The following TTLL11 variants were observed in gnomAD, a reference collection of about 807,000 sequenced individuals.
TTLL11 encodes tubulin polyglutamylase TTLL11.
TTLL11 carries 42 observed loss-of-function variants against 51.7 expected under a neutral mutation model. The ratio of observed to expected loss-of-function variants is 0.81; its 90% confidence interval spans 0.64 to 1.05. The LOEUF (loss-of-function observed/expected upper bound fraction) is 1.05, where lower values mean the gene tolerates loss of function less well. Ranked by LOEUF, TTLL11 falls within the 50% of genes least tolerant of loss-of-function variation. The pLI is 0.00. For synonymous variants in TTLL11, 381 were observed against 383.5 expected (o/e 0.99, Z 0.08); for missense variants, 799 against 940.4 (o/e 0.85, Z 1.97).
chr9:122,053,272 G>A (rs909476837), intron 1 of TTLL11, among the ~76,000 whole-genome samples: 2 of 152,166 alleles, frequency 1.3e-5, no homozygotes, highest in Admixed American at 1.3e-4. Flanking sequence ...AGTGGTTTCT[G>A]GTCTAGATGA....
At chr9:122,081,480 A>T (rs1846004303) in intron 1 of TTLL11, among the ~76,000 whole-genome samples, 1 of 152,260 alleles carries the variant, frequency 6.6e-6, no homozygotes, top group Admixed American at 6.5e-5. Context: ...ATGCAGGGAC[A>T]TCTGTACAAC....
At chr9:121,915,362 C>T (rs1182599893) in intron 6 of TTLL11, among the ~76,000 whole-genome samples, 1 of 152,198 alleles carries the variant, frequency 6.6e-6, no homozygotes, top group Non-Finnish European at 1.5e-5. Context: ...TATACTAGTG[C>T]TGTGCTTGTA....
intron 6 of TTLL11, among the ~76,000 whole-genome samples, chr9:121,965,127 T>A (rs900816725): frequency 5.3e-5 from 8 of 152,220 alleles, no homozygotes; most frequent in Non-Finnish European, 1.0e-4. Flanking sequence ...TGACCCAGAC[T>A]TTTTTATTTA....
At chr9:121,952,719 C>T (rs1841890001) in intron 6 of TTLL11, among the ~76,000 whole-genome samples, 2 of 152,224 alleles carry the variant, frequency 1.3e-5, no homozygotes, top group South Asian at 4.1e-4. Context: ...CCCTTCCTCT[C>T]CTTCCTCATG....
At chr9:122,072,035 G>T (rs1203016509) in intron 1 of TTLL11, among the ~76,000 whole-genome samples, 2 of 152,056 alleles carry the variant, frequency 1.3e-5, no homozygotes, top group Non-Finnish European at 2.9e-5. Flanking sequence ...ATACAAATCA[G>T]ATTTTTCACA....
intron 6 of TTLL11, among the ~76,000 whole-genome samples, chr9:121,873,578 C>T (rs1387089573): frequency 6.6e-6 from 1 of 151,926 alleles, no homozygotes; most frequent in African/African-American, 2.4e-5. Flanking sequence ...TTCCAAAGTG[C>T]TGCGATTACA....
At chr9:121,938,037 C>G (rs545449638) in intron 6 of TTLL11, among the ~76,000 whole-genome samples, 77 of 152,194 alleles carry the variant, frequency 5.1e-4, no homozygotes, top group African/African-American at 1.6e-3. Flanking sequence ...CACCTGTAAT[C>G]CCAGCACTTT....
At chr9:121,868,916 C>A (rs942850676) in intron 7 of TTLL11, among the ~76,000 whole-genome samples, 1 of 152,224 alleles carries the variant, frequency 6.6e-6, no homozygotes, top group Non-Finnish European at 1.5e-5. Context: ...AACTAGGCAT[C>A]AGGCCAGCTG....
At chr9:121,923,065 C>T (rs1436113949) in intron 6 of TTLL11, among the ~76,000 whole-genome samples, 2 of 152,206 alleles carry the variant, frequency 1.3e-5, no homozygotes, top group Admixed American at 6.5e-5. Context: ...ACAATTATAA[C>T]TCACCCTTTG....
intron 2 of TTLL11, among the ~76,000 whole-genome samples, chr9:122,034,705 C>A (rs1844651752): frequency 6.6e-6 from 1 of 152,190 alleles, no homozygotes; most frequent in Non-Finnish European, 1.5e-5. Context: ...GCAACTTCTC[C>A]ATTATGACCC....
chr9:121,939,389 T>A (rs1841354716), intron 6 of TTLL11, among the ~76,000 whole-genome samples: 1 of 152,204 alleles, frequency 6.6e-6, no homozygotes, highest in South Asian at 2.1e-4. Flanking sequence ...AAAGGCTGGT[T>A]GCCAAAGGAG....
intron 3 of TTLL11, among the ~76,000 whole-genome samples, chr9:121,997,872 G>A (rs1270079477): frequency 1.3e-5 from 2 of 151,926 alleles, no homozygotes; most frequent in African/African-American, 2.4e-5. Flanking sequence ...CTGTTTCCTG[G>A]GTCTGCCTGG....
chr9:121,910,525 T>C (rs536816295), intron 6 of TTLL11, among the ~76,000 whole-genome samples: 23 of 152,342 alleles, frequency 1.5e-4, no homozygotes, highest in African/African-American at 5.5e-4. Flanking sequence ...AAAACAGTGA[T>C]GCATCATTAC....
At chr9:121,983,695 A>G (rs1476890825) in intron 4 of TTLL11, among the ~76,000 whole-genome samples, 1 of 152,136 alleles carries the variant, frequency 6.6e-6, no homozygotes, top group Non-Finnish European at 1.5e-5. Context: ...GGGTTAGGCA[A>G]AGTTAGCGAC....
At chr9:122,032,688 A>G (rs931083906) in intron 2 of TTLL11, among the ~76,000 whole-genome samples, 5 of 151,614 alleles carry the variant, frequency 3.3e-5, no homozygotes, top group African/African-American at 7.3e-5. Flanking sequence ...TTCTTGTAAC[A>G]TCATTAGTAA....
chr9:121,961,281 T>C (rs1021364119), intron 6 of TTLL11, among the ~76,000 whole-genome samples: 1 of 152,242 alleles, frequency 6.6e-6, no homozygotes, highest in African/African-American at 2.4e-5. Flanking sequence ...TTGTTCAGTT[T>C]ATTTAACTAC....
At chr9:121,916,555 T>C (rs1439186579) in intron 6 of TTLL11, among the ~76,000 whole-genome samples, 1 of 152,202 alleles carries the variant, frequency 6.6e-6, no homozygotes, top group African/African-American at 2.4e-5. Context: ...TGGCGATTTG[T>C]GCAAACCAGA....
intron 6 of TTLL11, among the ~76,000 whole-genome samples, chr9:121,966,720 C>T (rs959661986): frequency 2.0e-5 from 3 of 152,142 alleles, no homozygotes; most frequent in Non-Finnish European, 2.9e-5. Flanking sequence ...GCCAGGCAAA[C>T]ATTGGTGTAG....
intron 1 of TTLL11, among the ~76,000 whole-genome samples, chr9:122,053,394 C>T (rs1446798407): frequency 2.6e-5 from 4 of 152,066 alleles, no homozygotes; most frequent in Non-Finnish European, 2.9e-5. Context: ...AGATGTCCCA[C>T]GTGCCTGGAG....
Sources: allele counts gnomAD v4.1 joint callset (sites outside exome capture counted in the v4.1 genomes callset), GRCh38; gene constraint gnomAD v4.1.1; transcripts MANE v1.5; gene names NCBI Gene and HGNC (gene_info 2026-07-23, HGNC 2026-07-21).